The following RICTOR variants were observed in gnomAD, a reference collection of about 807,000 sequenced individuals.
RICTOR encodes the protein rapamycin-insensitive companion of mTOR.
RICTOR carries 49 observed loss-of-function variants against 214.9 expected under a neutral mutation model. That is an observed-to-expected ratio of 0.23 (90% confidence interval 0.18 to 0.29). The LOEUF is 0.29. Ranked by LOEUF, RICTOR falls within the 10% of genes least tolerant of loss-of-function variation. The pLI, the probability that RICTOR is intolerant of heterozygous loss-of-function variation, is 1.00. For synonymous variants in RICTOR, 717 were observed against 711.3 expected (o/e 1.01, Z -0.13); for missense variants, 1,625 against 2,047.0 (o/e 0.79, Z 3.98).
At chr5:38,966,047 C>T (rs766151721) in intron 15 of RICTOR, among the ~76,000 whole-genome samples, 2 of 152,064 alleles carry the variant, frequency 1.3e-5, no homozygotes, top group Non-Finnish European at 2.9e-5. Flanking sequence ...TGTCAAATCA[C>T]TTTCCTAGCT....
chr5:38,986,772 G>T (rs1364064395), intron 7 of RICTOR, among the ~76,000 whole-genome samples: 1 of 152,154 alleles, frequency 6.6e-6, no homozygotes, highest in East Asian at 1.9e-4. Flanking sequence ...AATAGGAGTG[G>T]TGACAGAGGG....
At chr5:39,046,562 A>AC (rs1757518897) in intron 2 of RICTOR, among the ~76,000 whole-genome samples, 1 of 151,480 alleles carries the variant, frequency 6.6e-6, no homozygotes, top group Non-Finnish European at 1.5e-5. Flanking sequence ...CCTCAAGCTT[A>AC]CCATTTGCCT....
At chr5:38,995,418 G>T (rs773844596) in intron 6 of RICTOR, among the ~76,000 whole-genome samples, 1 of 152,088 alleles carries the variant, frequency 6.6e-6, no homozygotes, top group Non-Finnish European at 1.5e-5. Context: ...GAGGTGGGGG[G>T]AGTTTGGGAG....
intron 11 of RICTOR, chr5:38,970,879 CATAA>C (rs1750722045): frequency 1.3e-5 from 2 of 152,160 alleles, no homozygotes; most frequent in Non-Finnish European, 2.9e-5. Context: ...AGTTAGAAGG[CATAA>C]ATACATTTAC....
intron 31 of RICTOR, among the ~76,000 whole-genome samples, chr5:38,947,803 T>C (rs1039263650): frequency 6.6e-6 from 1 of 152,142 alleles, no homozygotes; most frequent in Non-Finnish European, 1.5e-5. Flanking sequence ...GACTACTAGA[T>C]TTGGCATTTA....
intron 16 of RICTOR, among the ~76,000 whole-genome samples, chr5:38,963,800 G>A (rs555317347): frequency 6.6e-6 from 1 of 151,976 alleles, no homozygotes; most frequent in East Asian, 1.9e-4. Flanking sequence ...AGGTCTATCA[G>A]GTATTGGGAA....
At chr5:38,982,147 A>C (rs1388876529) in intron 7 of RICTOR, 111 bp from the exon 8 acceptor site, 1 of 694,122 alleles carries the variant, frequency 1.4e-6, no homozygotes, top group African/African-American at 1.8e-5. Context: ...TTCTAATACC[A>C]ACATTTATAA....
intron 2 of RICTOR, among the ~76,000 whole-genome samples, chr5:39,031,981 C>A (rs2150152206): frequency 6.6e-6 from 1 of 152,254 alleles, no homozygotes; most frequent in South Asian, 2.1e-4. Flanking sequence ...AGCATTGCTT[C>A]AAACAATCTA....
chr5:39,035,756 A>G (rs530712850), intron 2 of RICTOR, among the ~76,000 whole-genome samples: 1 of 152,338 alleles, frequency 6.6e-6, no homozygotes, highest in East Asian at 1.9e-4. Flanking sequence ...AAGCGAGAAG[A>G]GAAGTTTAGA....
rs1748347432 is a variant in RICTOR at position 38,947,588 on chromosome 5, A to C, written c.4137-147T>G. The C allele has an allele frequency of 4.9e-6, 3 of 613,296 alleles. No individual in the cohort carries two copies. The East Asian group carries it at 8.3e-5, about 17-fold the overall frequency. 38.0% of individuals were successfully genotyped at this position (613,296 alleles called of 1,614,324 possible). On this transcript the variant is annotated intron_variant, in intron 31 of 37. Transcript: ENST00000357387. ...GTCATCTTGTTTACTGGCAACACAT[A>C]AACACTTTAAAATATTAGCTGTTAT...
At chr5:38,962,401 CA>C in intron 18 of RICTOR, 40 bp from the exon 19 acceptor site, 1 of 1,162,470 alleles carries the variant, frequency 8.6e-7, no homozygotes, top group South Asian at 1.4e-5. Flanking sequence ...ATGTACTTAT[CA>C]ATTCTCACAC....
At chr5:38,961,482 T>A (rs993717642) in intron 19 of RICTOR, among the ~76,000 whole-genome samples, 2 of 152,172 alleles carry the variant, frequency 1.3e-5, no homozygotes, top group African/African-American at 4.8e-5. Context: ...TTCAACATTA[T>A]ATCTTTCAAC....
At chr5:39,034,146 C>T (rs1055158416) in intron 2 of RICTOR, among the ~76,000 whole-genome samples, 15 of 152,138 alleles carry the variant, frequency 9.9e-5, no homozygotes, top group African/African-American at 1.4e-4. Context: ...GCCACTTCTG[C>T]GATTGTCTTA....
chr5:38,971,934 TC>T lies in RICTOR; in HGVS notation c.914del (p.Gly305GlufsTer8). On this transcript the variant is annotated frameshift_variant, in exon 11 of 38. Transcript: ENST00000357387. LOFTEE classifies it high-confidence loss of function. ...CTATTAGAGACTGGATCCCAGAATT[TC>T]CAGGTTTACATAAATTAATAATACC... ...WAGIINLCKP[G>X]NSGIQSLIGV... 1.4e-6 allele frequency: 2 copies of T among 1,472,670 alleles called. No homozygotes were observed. Among genetic ancestry groups the T allele is most frequent in the East Asian group, 2.3e-5 (1 of 43,952 alleles). 91.2% of individuals were successfully genotyped at this position (1,472,670 alleles called of 1,614,324 possible).
In RICTOR at chr5:38,960,548, C is replaced by G. The variant is rs779849951; in HGVS notation, c.1716-15G>C. The G allele has an allele frequency of 1.9e-6, 3 of 1,608,682 alleles. No homozygotes were observed. Among genetic ancestry groups the G allele is most frequent in the Non-Finnish European group, 1.7e-6 (2 of 1,177,320 alleles). On this transcript the variant is annotated splice_polypyrimidine_tract_variant and intron_variant, in intron 19 of 37. Coordinates refer to ENST00000357387, the MANE Select transcript of RICTOR (RefSeq NM_152756.5). ...TTCGTACAAACCTAAAATCAAAACA[C>G]AAGTAGCAAAAAGGTAAGAAATGAA...
chr5:38,943,233 G>C, intron 36 of RICTOR: 1 of 341,792 alleles, frequency 2.9e-6, no homozygotes, highest in Non-Finnish European at 5.4e-6. Context: ...TTATTGGCAT[G>C]AGAAATTGCA....
At chr5:39,022,040 T>C (rs1447307469) in intron 2 of RICTOR, among the ~76,000 whole-genome samples, 4 of 152,162 alleles carry the variant, frequency 2.6e-5, no homozygotes, top group Admixed American at 6.5e-5. Flanking sequence ...CATAAAACCA[T>C]TGTTTTTCAA....
chr5:39,073,941 G>C (rs1435424209), intron 2 of RICTOR, among the ~76,000 whole-genome samples, 170 bp downstream of exon 2: 1 of 151,698 alleles, frequency 6.6e-6, no homozygotes, highest in South Asian at 2.1e-4. Context: ...GATGGGTCCG[G>C]CGAGGCGGCC....
At chr5:38,994,451 A>AAAAAAAAAAAG (rs1304761708) in intron 6 of RICTOR, among the ~76,000 whole-genome samples, 2,254 of 101,500 alleles carry the variant, frequency 0.022, 573 homozygotes, top group Non-Finnish European at 0.029. Flanking sequence ...AAAAAAAAAA[A>AAAAAAAAAAAG]AGTGCTTCAG....
Sources: allele counts gnomAD v4.1 joint callset (sites outside exome capture counted in the v4.1 genomes callset), GRCh38; gene constraint gnomAD v4.1.1; transcripts MANE v1.5; gene names NCBI Gene and HGNC (gene_info 2026-07-23, HGNC 2026-07-21).